The following LCOR variants were observed in gnomAD, a reference collection of about 807,000 sequenced individuals.
LCOR encodes the protein ligand-dependent corepressor.
A neutral mutation model predicts 64.4 loss-of-function variants in LCOR; 14 were observed. The observed-to-expected ratio is 0.22, with a 90% confidence interval of 0.14 to 0.34. The LOEUF (loss-of-function observed/expected upper bound fraction) is 0.34. Ranked by LOEUF, LCOR falls within the 10% of genes least tolerant of loss-of-function variation. LCOR has a pLI of 1.00. For missense variants in LCOR, 1,686 were observed against 1,765.3 expected, an observed-to-expected ratio of 0.96 and a Z score of 0.80; for synonymous variants, 643 against 642.5, an observed-to-expected ratio of 1.00 and a Z score of -0.01.
At chr10:96,914,843 CT>C (rs1170823687) in intron 4 of LCOR, among the ~76,000 whole-genome samples, 3 of 151,488 alleles carry the variant, frequency 2.0e-5, no homozygotes. Context: ...AACCACTGCT[CT>C]TTTGAGGGGT....
intron 7 of LCOR, chr10:96,963,803 C>T (rs1015136985): frequency 6.6e-6 from 1 of 152,204 alleles, no homozygotes; most frequent in African/African-American, 2.4e-5. Context: ...TATTTCTCTG[C>T]TTTAATATTT....
At chr10:96,940,664 GA>G (rs1480402114) in intron 4 of LCOR, among the ~76,000 whole-genome samples, 2 of 114,492 alleles carry the variant, frequency 1.7e-5, no homozygotes, top group African/African-American at 3.5e-5. Context: ...TCCCAAGGCA[GA>G]AGAATTTTTC....
chr10:96,853,743 A>G (rs759350437), intron 2 of LCOR, among the ~76,000 whole-genome samples: 3 of 152,210 alleles, frequency 2.0e-5, no homozygotes, highest in South Asian at 2.1e-4. Context: ...TCACACTGCT[A>G]TGAAGAAATA....
intron 2 of LCOR, among the ~76,000 whole-genome samples, chr10:96,897,354 C>T (rs935446680): frequency 3.3e-5 from 5 of 152,162 alleles, no homozygotes; most frequent in Non-Finnish European, 7.3e-5. Flanking sequence ...TGACAGAGGT[C>T]TTCAAACGGA....
rs376643540 is a variant in LCOR at position 96,941,637 on chromosome 10, T to G, written c.-183-2476T>G. On this transcript the variant is annotated intron_variant, in intron 4 of 7. Transcript: ENST00000421806. The stretch of plus-strand genomic sequence containing the variant: ...GCTGCCAGGCGGAGGGGCTCCTCAC[T>G]TCCCAGACGGGGTGGCTGCCGGACG... 2.5e-3 allele frequency among the ~76,000 whole-genome samples: 365 copies of G among 148,190 alleles called. 1 individual carries two copies. The highest frequency in any genetic ancestry group is 3.3e-3 in the Non-Finnish European group (222 of 66,562).
rs922483598 is a variant in LCOR at position 96,987,280 on chromosome 10, T to C, written c.*2146T>C. 6.6e-6 allele frequency: 1 copy of C among 152,222 alleles called. No individual in the cohort carries two copies. The highest frequency in any genetic ancestry group is 2.4e-5 in the African/African-American group (1 of 41,454). 9.4% of individuals were successfully genotyped at this position (152,222 alleles called of 1,614,324 possible). ...TTGTCACTGGATATTGTGTTTGTGGTGACTTAAACAGCTGATGTTTGCCAA... is the reference window on the plus strand; with the variant it reads ...TTGTCACTGGATATTGTGTTTGTGGCGACTTAAACAGCTGATGTTTGCCAA... On this transcript the variant is annotated 3_prime_UTR_variant, in exon 8 of 8. Coordinates refer to ENST00000421806, the MANE Select transcript of LCOR (RefSeq NM_001346516.2).
intron 4 of LCOR, among the ~76,000 whole-genome samples, chr10:96,920,751 T>TATATGTATACAC (rs761907103): frequency 0.017 from 2,009 of 118,802 alleles, 77 homozygotes; most frequent in East Asian, 0.042. Flanking sequence ...TATATATGTA[T>TATATGTATACAC]ACACACACAC....
Position 96,985,278 on chromosome 10 carries a change from G to A in LCOR, c.*144G>A. ...ACCGTAATTTGAGATGTCAGAAAAT[G>A]CATCTCAGATGGAGAAGGGAACTTG... is the stretch of plus-strand genomic sequence containing the variant. On this transcript the variant is annotated 3_prime_UTR_variant, in exon 8 of 8. Transcript: ENST00000421806. The A allele has an allele frequency of 9.7e-7, 1 of 1,034,652 alleles. No homozygotes were observed. The highest frequency in any genetic ancestry group is 1.3e-6 in the Non-Finnish European group (1 of 753,684). The allele number at this position is 1,034,652 out of a possible 1,614,324, so 64.1% of individuals were successfully genotyped here.
chr10:96,983,950 A>G lies in LCOR; in HGVS notation c.3490A>G (p.Ser1164Gly), dbSNP rs1422853621. Residue 1164 changes from serine to glycine, a missense_variant, in exon 8 of 8, where the codon AGT becomes GGT. Physicochemically the swap from Ser to Gly is moderately conservative, Grantham distance 56. Around this residue, in one of 3 missense-constraint regions of LCOR, gnomAD observed 1,293 missense variants for 1,410.4 expected, o/e 0.92. Coordinates refer to ENST00000421806, the MANE Select transcript of LCOR (RefSeq NM_001346516.2). This position sits in a 1 kb window ranked among gnomAD's most constrained non-coding sequence, Gnocchi z 4.5. Reference sequence around the variant, plus strand: ...ACGGAAATGTAGGAGTTCATTGGAGAGTCAGAAGTGTTCTCCTGTTCAGAT... The same window carrying G: ...ACGGAAATGTAGGAGTTCATTGGAGGGTCAGAAGTGTTCTCCTGTTCAGAT... ...RSRKCRSSLESQKCSPVQMLF... is the reference protein window; with the variant it reads ...RSRKCRSSLEGQKCSPVQMLF... 1.9e-6 allele frequency: 3 copies of G among 1,614,208 alleles called. No homozygotes were observed. Among genetic ancestry groups the G allele is most frequent in the Non-Finnish European group, 2.5e-6 (3 of 1,180,032 alleles).
chr10:96,863,234 C>T (rs539156036), intron 2 of LCOR, among the ~76,000 whole-genome samples: 23 of 132,838 alleles, frequency 1.7e-4, no homozygotes, highest in Admixed American at 1.2e-3. Flanking sequence ...GATGGAGTCT[C>T]ACTCTGTTGC....
At position 96,913,449 on chromosome 10, in the gene LCOR, C is replaced by G. The variant is rs184518610; in HGVS notation, c.-184+5702C>G. Among the ~76,000 whole-genome samples, 242 of 152,246 alleles carry G rather than the reference C, an allele frequency of 1.6e-3. 1 individual carries two copies. Among genetic ancestry groups the G allele is most frequent in the African/African-American group, 4.3e-3 (179 of 41,538 alleles). On this transcript the variant is annotated intron_variant, in intron 4 of 7. Transcript: ENST00000421806. ...GGACTGCTTCAGTGATCAGTCTGTT[C>G]TTGTGTATGGCTGGGATAGAGATGG...
chr10:96,846,793 A>G (rs1305885412), intron 2 of LCOR, among the ~76,000 whole-genome samples: 3 of 152,194 alleles, frequency 2.0e-5, no homozygotes, highest in Non-Finnish European at 4.4e-5. Flanking sequence ...CCCATGGCTT[A>G]TGGCTGCAAA....
At chr10:96,902,387 G>C (rs1589644173) in intron 2 of LCOR, among the ~76,000 whole-genome samples, 1 of 152,302 alleles carries the variant, frequency 6.6e-6, no homozygotes, top group South Asian at 2.1e-4. Context: ...CTCAGGAGGA[G>C]AGGAAGAATT....
chr10:96,959,199 A>G (rs1432790565), intron 7 of LCOR: 2 of 152,138 alleles, frequency 1.3e-5, no homozygotes, highest in Non-Finnish European at 2.9e-5. Context: ...TGTCCTCACA[A>G]TGTGTAATAG....
chr10:96,901,105 C>T (rs1312424924), intron 2 of LCOR, among the ~76,000 whole-genome samples: 1 of 151,994 alleles, frequency 6.6e-6, no homozygotes, highest in Admixed American at 6.5e-5. Context: ...AGCAGAATGG[C>T]ATGAACCCGG....
At chr10:96,846,942 A>G (rs1028057922) in intron 2 of LCOR, among the ~76,000 whole-genome samples, 6 of 152,176 alleles carry the variant, frequency 3.9e-5, no homozygotes, top group African/African-American at 1.4e-4. Flanking sequence ...ATGTAAGTGG[A>G]TAAATGGAGT....
chr10:96,967,432 TG>T (rs1476038902), intron 7 of LCOR, among the ~76,000 whole-genome samples: 1 of 152,202 alleles, frequency 6.6e-6, no homozygotes, highest in East Asian at 1.9e-4. Context: ...GCACTTTGCC[TG>T]AATTGTTATT....
intron 4 of LCOR, among the ~76,000 whole-genome samples, chr10:96,935,673 A>G (rs1847338464): frequency 1.3e-5 from 2 of 152,160 alleles, no homozygotes. Flanking sequence ...TCTCTACAAA[A>G]TATTTTAAAA....
chr10:96,991,289 G>A lies in LCOR; in HGVS notation c.*6155G>A, dbSNP rs553879996. On this transcript the variant is annotated 3_prime_UTR_variant, in exon 8 of 8. Transcript: ENST00000421806. ...GATTATTCCTGAATAATGCTTTTGC[G>A]TTAAGAAAAATTATCCCCCTTTGCC... 2.7e-4 allele frequency: 41 copies of A among 152,130 alleles called. No individual in the cohort carries two copies. Among genetic ancestry groups the A allele is most frequent in the African/African-American group, 9.6e-4 (40 of 41,498 alleles). The allele number at this position is 152,130 out of a possible 1,614,324, so 9.4% of individuals were successfully genotyped here. A position where few individuals can be genotyped will look rare whatever the true frequency, so the allele number is the denominator to read the frequency against.
Sources: gnomAD v4.1 joint callset for allele counts (sites outside exome capture counted in the v4.1 genomes callset) on GRCh38, gnomAD v4.1.1 for gene constraint, gnomAD v4.1.1 regional missense constraint, Gnocchi (gnomAD v3.1) non-coding constraint, MANE v1.5 for transcripts, NCBI Gene and HGNC (gene_info 2026-07-23, HGNC 2026-07-21) for gene names.